PAPPA: variants seen among roughly 807,000 people sequenced by gnomAD.
PAPPA encodes pappalysin 1, also known as pappalysin-1.
A neutral mutation model predicts 164.0 loss-of-function variants in PAPPA; 60 were observed. That is an observed-to-expected ratio of 0.37 (90% CI 0.30 to 0.45). The LOEUF is 0.45. PAPPA is among the 20% of genes least tolerant of loss of function. The probability of loss-of-function intolerance (pLI) is 1.00; values close to 1 mark genes in which losing one functional copy is unlikely to be tolerated. For missense variants in PAPPA, 1,782 were observed against 2,087.3 expected, an observed-to-expected ratio of 0.85 and a Z score of 2.85; for synonymous variants, 875 against 814.1, an observed-to-expected ratio of 1.07 and a Z score of -1.27.
chr9:116,362,792 G>T, intron 18 of PAPPA, 53 bp downstream of exon 18: 1 of 1,574,180 alleles, frequency 6.4e-7, no homozygotes, highest in Non-Finnish European at 8.7e-7. Flanking sequence ...TTCCAGCAAT[G>T]CAGGGCTAAT....
chr9:116,305,187 T>C (rs1429352284), intron 10 of PAPPA, among the ~76,000 whole-genome samples: 2 of 134,338 alleles, frequency 1.5e-5, no homozygotes, highest in Non-Finnish European at 3.1e-5. Flanking sequence ...GGAGTCTGCA[T>C]AATTAGAGGT....
At chr9:116,206,471 A>C (rs1462612040) in intron 2 of PAPPA, among the ~76,000 whole-genome samples, 3 of 152,164 alleles carry the variant, frequency 2.0e-5, no homozygotes, top group African/African-American at 7.2e-5. Flanking sequence ...AGGCCCCATT[A>C]GTCAGGAATT....
intron 9 of PAPPA, among the ~76,000 whole-genome samples, chr9:116,294,533 A>G (rs1845477309): frequency 6.6e-6 from 1 of 152,190 alleles, no homozygotes; most frequent in South Asian, 2.1e-4. Flanking sequence ...TAAAGTCAAG[A>G]TATTTCTGTC....
intron 12 of PAPPA, among the ~76,000 whole-genome samples, chr9:116,333,650 C>T (rs1465838001): frequency 6.6e-6 from 1 of 152,160 alleles, no homozygotes; most frequent in Non-Finnish European, 1.5e-5. Context: ...CAAGGGGAAC[C>T]TATGAATAAG....
intron 18 of PAPPA, among the ~76,000 whole-genome samples, chr9:116,363,602 G>A (rs1487450188): frequency 6.6e-6 from 1 of 152,152 alleles, no homozygotes; most frequent in African/African-American, 2.4e-5. Flanking sequence ...CTGACCTTTT[G>A]GGCTGATTCC....
chr9:116,343,118 C>T (rs1319329097), intron 13 of PAPPA, among the ~76,000 whole-genome samples: 1 of 152,202 alleles, frequency 6.6e-6, no homozygotes, highest in African/African-American at 2.4e-5. Context: ...TCTTGCCAGT[C>T]CCCAATTTAC....
At chr9:116,253,908 C>T (rs1351772014) in intron 7 of PAPPA, among the ~76,000 whole-genome samples, 1 of 152,122 alleles carries the variant, frequency 6.6e-6, no homozygotes, top group African/African-American at 2.4e-5. Flanking sequence ...GGTCTCTTTG[C>T]CTTCAGGTAC....
intron 18 of PAPPA, among the ~76,000 whole-genome samples, chr9:116,364,359 T>G (rs1588021549): frequency 6.6e-6 from 1 of 152,224 alleles, no homozygotes; most frequent in Non-Finnish European, 1.5e-5. Flanking sequence ...CTATACCCAC[T>G]GACACATTCA....
intron 19 of PAPPA, among the ~76,000 whole-genome samples, chr9:116,377,131 C>G (rs1203816107): frequency 6.6e-6 from 1 of 152,102 alleles, no homozygotes; most frequent in Non-Finnish European, 1.5e-5. Flanking sequence ...TGCTGCTCCA[C>G]AGTTTTCTCC....
chr9:116,376,021 ATTT>A (rs34549794), intron 19 of PAPPA, among the ~76,000 whole-genome samples: 3 of 135,688 alleles, frequency 2.2e-5, no homozygotes, highest in Admixed American at 7.5e-5. Context: ...AACTTCCAGG[ATTT>A]TTTTTTTTTT....
chr9:116,214,195 G>T (rs1844343690), intron 4 of PAPPA, among the ~76,000 whole-genome samples: 1 of 152,150 alleles, frequency 6.6e-6, no homozygotes. Flanking sequence ...CTAATGACCT[G>T]AATTATCAAT....
At chr9:116,368,861 T>C (rs1377130250) in intron 19 of PAPPA, among the ~76,000 whole-genome samples, 1 of 152,072 alleles carries the variant, frequency 6.6e-6, no homozygotes. Flanking sequence ...GGTGTACTGT[T>C]TCTCAAATGC....
rs148382288 is a variant in PAPPA, at chr9:116,348,844, T to C, written c.3964+1635T>C. Among the ~76,000 whole-genome samples the C allele has an allele frequency of 8.6e-3, 1,304 of 152,356 alleles. 12 individuals carry two copies. Among genetic ancestry groups the C allele is most frequent in the Middle Eastern group, 0.017 (5 of 294 alleles). Reference sequence around the variant, plus strand: ...CAAAGGATATGATCTCATTCTTTTTTATGGCCACATAGTATTTCATGGTGT... The same window carrying C: ...CAAAGGATATGATCTCATTCTTTTTCATGGCCACATAGTATTTCATGGTGT... On this transcript the variant is annotated intron_variant, in intron 15 of 21. Transcript: ENST00000328252.
At chr9:116,295,930 G>C (rs924452085) in intron 9 of PAPPA, among the ~76,000 whole-genome samples, 1 of 152,196 alleles carries the variant, frequency 6.6e-6, no homozygotes, top group Non-Finnish European at 1.5e-5. Flanking sequence ...TTGATTAAAT[G>C]AATGTATAGA....
chr9:116,383,273 A>C (rs1294599647), intron 21 of PAPPA, among the ~76,000 whole-genome samples: 3 of 152,224 alleles, frequency 2.0e-5, no homozygotes, highest in Non-Finnish European at 2.9e-5. Flanking sequence ...TGGGCTGAGA[A>C]GCGTTCTTGT....
chr9:116,239,630 A>G (rs546918499), intron 7 of PAPPA, among the ~76,000 whole-genome samples: 7 of 152,288 alleles, frequency 4.6e-5, no homozygotes, highest in African/African-American at 1.7e-4. Flanking sequence ...TGCCTTACAA[A>G]CACTTCTGAG....
intron 7 of PAPPA, among the ~76,000 whole-genome samples, chr9:116,239,888 A>T (rs1204089644): frequency 6.6e-6 from 1 of 152,166 alleles, no homozygotes; most frequent in Non-Finnish European, 1.5e-5. Context: ...GTCCACAATC[A>T]GTCCCTGTGG....
At chr9:116,333,544 G>T (rs1846020496) in intron 12 of PAPPA, among the ~76,000 whole-genome samples, 2 of 152,190 alleles carry the variant, frequency 1.3e-5, no homozygotes, top group Admixed American at 1.3e-4. Flanking sequence ...AAGCAAGCCA[G>T]GCAAGGGGTC....
At chr9:116,292,697 G>A (rs1370327730) in intron 9 of PAPPA, among the ~76,000 whole-genome samples, 1 of 152,172 alleles carries the variant, frequency 6.6e-6, no homozygotes, top group African/African-American at 2.4e-5. Flanking sequence ...ATTTTAGGCA[G>A]TTGGGACTCA....
Sources: gnomAD v4.1 joint callset for allele counts (sites outside exome capture counted in the v4.1 genomes callset) on GRCh38, gnomAD v4.1.1 for gene constraint, MANE v1.5 for transcripts, NCBI Gene and HGNC (gene_info 2026-07-23, HGNC 2026-07-21) for gene names.